TICRR: variants seen among roughly 807,000 people sequenced by gnomAD.
The protein encoded by TICRR is TOPBP1 interacting checkpoint and replication regulator.
In TICRR, 132 loss-of-function variants were observed where a neutral mutation model predicts 178.1. The observed-to-expected ratio is 0.74, with a 90% CI of 0.64 to 0.86. The LOEUF (loss-of-function observed/expected upper bound fraction) is 0.86, where lower values mean the gene tolerates loss of function less well. Among genes scored for constraint, TICRR ranks in the 40% least tolerant of loss-of-function variants. The pLI, the probability that TICRR is intolerant of heterozygous loss-of-function variation, is 0.00. For synonymous variants in TICRR, 991 were observed against 900.7 expected (o/e 1.10, Z -1.79); for missense variants, 2,587 against 2,334.3 (o/e 1.11, Z -2.23).
intron 18 of TICRR, among the ~76,000 whole-genome samples, 167 bp from the exon 19 acceptor site, chr15:89,621,226 G>A (rs1468205396): frequency 6.6e-6 from 1 of 151,834 alleles, no homozygotes; most frequent in African/African-American, 2.4e-5. Flanking sequence ...TCGCTATGTT[G>A]GCCAGGCTGG....
intron 15 of TICRR, among the ~76,000 whole-genome samples, chr15:89,614,621 G>A (rs987869980): frequency 2.0e-5 from 3 of 152,196 alleles, no homozygotes; most frequent in Non-Finnish European, 2.9e-5. Context: ...ATGAGCCACT[G>A]CACCCAGCAT....
In TICRR at chr15:89,625,534, G is replaced by A; in HGVS notation, c.5224G>A (p.Gly1742Arg). The A allele has an allele frequency of 1.2e-6, 2 of 1,613,616 alleles. No homozygotes were observed. Among genetic ancestry groups the A allele is most frequent in the Non-Finnish European group, 1.7e-6 (2 of 1,180,006 alleles). ...CATCTTGGAGGATTTTGAGCTCGAG[G>A]GAGTGTGCCAGCTCCCAGACCAGTC... ...TPILEDFELEGVCQLPDQSPP... is the reference protein window; with the variant it reads ...TPILEDFELERVCQLPDQSPP... Residue 1742 changes from glycine (G) to arginine (R), a missense_variant, in exon 20 of 22, where the codon GGA becomes AGA. Coordinates refer to ENST00000268138, the MANE Select transcript of TICRR (RefSeq NM_152259.4).
chr15:89,597,593 ATC>A (rs1249901285), intron 7 of TICRR, among the ~76,000 whole-genome samples: 1 of 151,640 alleles, frequency 6.6e-6, no homozygotes. Context: ...TGTTACATTG[ATC>A]TCTCTATTCT....
intron 7 of TICRR, among the ~76,000 whole-genome samples, chr15:89,598,845 A>G (rs1054311594): frequency 1.3e-5 from 2 of 151,972 alleles, no homozygotes; most frequent in African/African-American, 2.4e-5. Flanking sequence ...GTCTTTACCA[A>G]AAATACAGAA....
intron 15 of TICRR, among the ~76,000 whole-genome samples, chr15:89,611,650 G>A (rs1963258152): frequency 6.6e-6 from 1 of 151,882 alleles, no homozygotes; most frequent in African/African-American, 2.4e-5. Context: ...AGGTCCCTCA[G>A]ACTTTGTTCA....
At position 89,627,880 on chromosome 15, in the gene TICRR, TCTCA is replaced by T. The variant is rs1418862495; in HGVS notation, c.*795_*798del. ...CGGTGAGGGCTGACTCTGAACTGTCTCTCAGTCTCCAGAAAGTGTTCAAGCCTGT... is the reference window on the plus strand; with the variant it reads ...CGGTGAGGGCTGACTCTGAACTGTCTGTCTCCAGAAAGTGTTCAAGCCTGT... On this transcript the variant is annotated 3_prime_UTR_variant, in exon 22 of 22. Coordinates refer to ENST00000268138, the MANE Select transcript of TICRR (RefSeq NM_152259.4). 1 of 139,508 alleles carries T rather than the reference TCTCA, an allele frequency of 7.2e-6. No homozygotes were observed. Among genetic ancestry groups the T allele is most frequent in the Non-Finnish European group, 1.7e-5 (1 of 60,312 alleles). The allele number at this position is 139,508 out of a possible 1,614,324, so 8.6% of individuals were successfully genotyped here.
Position 89,624,473 on chromosome 15 carries a change from C to A in TICRR, c.4163C>A (p.Thr1388Asn), listed in dbSNP as rs779123562. The A allele has an allele frequency of 1.9e-6, 3 of 1,614,178 alleles. No homozygotes were observed. The highest frequency in any genetic ancestry group is 2.5e-6 in the Non-Finnish European group (3 of 1,180,050). The change falls in exon 20 of 22, where the codon ACC becomes AAC. Residue 1388 changes from threonine (T) to asparagine (N), a missense_variant. Physicochemically the swap from Thr to Asn is moderately conservative, Grantham distance 65 (BLOSUM62 0). Coordinates refer to ENST00000268138, the MANE Select transcript of TICRR (RefSeq NM_152259.4). ...AAAGTTGGGAAACGGTGTAGAAAGA[C>A]CTCTGATCCCAGAAGGAGCATCGTG... ...PSKVGKRCRK[T>N]SDPRRSIVEC...
intron 19 of TICRR, among the ~76,000 whole-genome samples, chr15:89,622,708 A>G (rs972898282): frequency 6.6e-6 from 1 of 151,762 alleles, no homozygotes; most frequent in Non-Finnish European, 1.5e-5. Context: ...TCCCCGCTCC[A>G]CCTCCCCAGC....
At chr15:89,599,134 C>T (rs954979730) in intron 7 of TICRR, among the ~76,000 whole-genome samples, 190 bp from the exon 8 acceptor site, 6 of 151,742 alleles carry the variant, frequency 4.0e-5, no homozygotes, top group African/African-American at 1.5e-4. Context: ...TGTTTAACAG[C>T]ATCCCTGGCT....
At chr15:89,579,317 A>G (rs1596037537) in intron 1 of TICRR, among the ~76,000 whole-genome samples, 1 of 152,128 alleles carries the variant, frequency 6.6e-6, no homozygotes, top group Non-Finnish European at 1.5e-5. Context: ...GAAAAATGTG[A>G]CCATACTCTA....
intron 1 of TICRR, among the ~76,000 whole-genome samples, chr15:89,579,250 A>T (rs564552017): frequency 6.6e-6 from 1 of 152,194 alleles, no homozygotes; most frequent in African/African-American, 2.4e-5. Flanking sequence ...CAGATCCCCA[A>T]ATTTGAAACT....
chr15:89,605,511 C>T (rs140854471), intron 13 of TICRR, among the ~76,000 whole-genome samples: 1 of 152,084 alleles, frequency 6.6e-6, no homozygotes, highest in Non-Finnish European at 1.5e-5. Flanking sequence ...TGGCGTGCAC[C>T]ACCACGCCTG....
chr15:89,579,876 A>G (rs927956494), intron 1 of TICRR: 2 of 152,242 alleles, frequency 1.3e-5, no homozygotes, highest in African/African-American at 2.4e-5. Context: ...AGCCTCCATA[A>G]CTGTAAGAAA....
rs1410303623 is a variant in TICRR, at chr15:89,592,164, T to TG, written c.1531dup (p.Glu511GlyfsTer12). The TG allele has an allele frequency of 6.2e-7, 1 of 1,611,248 alleles. No individual in the cohort carries two copies. The highest frequency in any genetic ancestry group is 8.5e-7 in the Non-Finnish European group (1 of 1,177,806). ...ATCAGTGGTGCCAGTTCCGATTTGA[T>TG]GGAGTCATTTGGGTAAAACGTTTTT... On this transcript the variant is annotated frameshift_variant, in exon 5 of 22. Transcript: ENST00000268138. LOFTEE classifies it high-confidence loss of function.
rs371602815 is a variant in TICRR at position 89,601,593 on chromosome 15, A to T, written c.2327+25A>T. The T allele has an allele frequency of 9.9e-6, 16 of 1,612,406 alleles. No homozygotes were observed. In the African/African-American group the frequency reaches 2.0e-4, roughly 20 times the overall value. On this transcript the variant is annotated intron_variant, in intron 11 of 21. Transcript: ENST00000268138. ...TGTAAGTTTGATGGTTACTAACTTAACTTTAAAATTGTTTTGTCAAAACCT... is the reference window on the plus strand; with the variant it reads ...TGTAAGTTTGATGGTTACTAACTTATCTTTAAAATTGTTTTGTCAAAACCT...
intron 6 of TICRR, among the ~76,000 whole-genome samples, chr15:89,594,918 T>C (rs976391838): frequency 9.9e-5 from 15 of 152,220 alleles, no homozygotes; most frequent in Non-Finnish European, 1.8e-4. Flanking sequence ...TGCTTTCAGT[T>C]TTCATCATTA....
intron 4 of TICRR, 79 bp from the exon 5 acceptor site, chr15:89,591,968 G>T: frequency 2.9e-6 from 4 of 1,389,124 alleles, no homozygotes; most frequent in Non-Finnish European, 4.0e-6. Context: ...TCAGTCCAGG[G>T]GAGGAGCAAG....
chr15:89,592,350 T>C (rs537462322), intron 5 of TICRR, among the ~76,000 whole-genome samples, 174 bp downstream of exon 5: 1 of 152,294 alleles, frequency 6.6e-6, no homozygotes, highest in African/African-American at 2.4e-5. Context: ...GTTAGCTAGA[T>C]AATATGTTAA....
In TICRR at chr15:89,616,508, C is replaced by T. The variant is rs1422644495; in HGVS notation, c.2960+13C>T. The T allele has an allele frequency of 3.1e-6, 5 of 1,611,702 alleles. No individual in the cohort carries two copies. The East Asian group carries it at 8.9e-5, about 29-fold the overall frequency. Reference sequence around the variant, plus strand: ...AAATCAAGGGCAGGTGAGTGACATCCCCATCCGGGCTTCTTCATACACCCA... The same window carrying T: ...AAATCAAGGGCAGGTGAGTGACATCTCCATCCGGGCTTCTTCATACACCCA... On this transcript the variant is annotated intron_variant, in intron 16 of 21. Coordinates refer to ENST00000268138, the MANE Select transcript of TICRR (RefSeq NM_152259.4).
Sources: allele counts gnomAD v4.1 joint callset (sites outside exome capture counted in the v4.1 genomes callset), GRCh38; gene constraint gnomAD v4.1.1; transcripts MANE v1.5; gene names NCBI Gene and HGNC (gene_info 2026-07-23, HGNC 2026-07-21).